The following SLC35D4 variants were observed in gnomAD, a reference collection of about 807,000 sequenced individuals.
SLC35D4 encodes the protein solute carrier family 35 member D4.
chr18:23,290,485 C>G, the SLC35D4 span, among the ~76,000 whole-genome samples: 1 of 152,166 alleles, frequency 6.6e-6, no homozygotes, highest in African/African-American at 2.4e-5. Context: ...ACAAATACCC[C>G]CAGACTATAT....
At chr18:23,336,321 G>T in the SLC35D4 span, among the ~76,000 whole-genome samples, 1 of 152,100 alleles carries the variant, frequency 6.6e-6, no homozygotes, top group South Asian at 2.1e-4. Flanking sequence ...TGTTCCTGTC[G>T]CCTCATCAGT....
the SLC35D4 span, among the ~76,000 whole-genome samples, chr18:23,410,305 A>G: frequency 1.2e-4 from 18 of 151,740 alleles, no homozygotes; most frequent in Non-Finnish European, 2.6e-4. Context: ...GTGAAACCCT[A>G]TCTCTACTAA....
At chr18:23,248,598 C>T in the SLC35D4 span, among the ~76,000 whole-genome samples, 3 of 137,728 alleles carry the variant, frequency 2.2e-5, no homozygotes, top group Admixed American at 7.9e-5. Flanking sequence ...GAGGCCGAGG[C>T]GGGTGGATCA....
the SLC35D4 span, among the ~76,000 whole-genome samples, chr18:23,361,121 A>AG: frequency 2.5e-3 from 362 of 145,136 alleles, 2 homozygotes; most frequent in African/African-American, 9.2e-3. Context: ...AAAAAAAAAA[A>AG]AAAAGAAAAA....
At chr18:23,318,566 G>C in the SLC35D4 span, among the ~76,000 whole-genome samples, 1 of 152,048 alleles carries the variant, frequency 6.6e-6, no homozygotes. Context: ...GATATATCAT[G>C]GTTTCCTTTT....
At chr18:23,342,086 C>T in the SLC35D4 span, among the ~76,000 whole-genome samples, 1 of 152,106 alleles carries the variant, frequency 6.6e-6, no homozygotes, top group African/African-American at 2.4e-5. Context: ...GATTTGCATG[C>T]CATAAAATTC....
chr18:23,309,866 C>T, the SLC35D4 span: 1 of 919,388 alleles, frequency 1.1e-6, no homozygotes, highest in African/African-American at 1.6e-5. Flanking sequence ...CACTTCGTTC[C>T]ACTTCCCGTG....
the SLC35D4 span, among the ~76,000 whole-genome samples, chr18:23,315,397 C>G: frequency 1.3e-5 from 2 of 152,324 alleles, no homozygotes; most frequent in Non-Finnish European, 1.5e-5. Flanking sequence ...GGATCAAGCA[C>G]TTCCTCTCAA....
the SLC35D4 span, among the ~76,000 whole-genome samples, chr18:23,317,948 G>A: frequency 6.6e-6 from 1 of 152,032 alleles, no homozygotes; most frequent in Non-Finnish European, 1.5e-5. Flanking sequence ...ATGTTGGCCA[G>A]GCTGATCTCG....
At chr18:23,321,679 T>A in the SLC35D4 span, among the ~76,000 whole-genome samples, 1 of 152,192 alleles carries the variant, frequency 6.6e-6, no homozygotes, top group Non-Finnish European at 1.5e-5. Context: ...GGCCTTGAAC[T>A]CCTGGGCTCA....
the SLC35D4 span, among the ~76,000 whole-genome samples, chr18:23,347,716 T>C: frequency 2.0e-5 from 3 of 152,232 alleles, no homozygotes; most frequent in African/African-American, 7.2e-5. Context: ...TGAGCCACCA[T>C]GCCTGGCCTC....
the SLC35D4 span, among the ~76,000 whole-genome samples, chr18:23,332,405 C>T: frequency 2.7e-5 from 4 of 150,776 alleles, no homozygotes; most frequent in African/African-American, 4.9e-5. Flanking sequence ...AGGGGGAATA[C>T]GTAGATGTTG....
the SLC35D4 span, among the ~76,000 whole-genome samples, chr18:23,244,852 G>A: frequency 6.6e-6 from 1 of 152,314 alleles, no homozygotes; most frequent in South Asian, 2.1e-4. Flanking sequence ...AGAGAACAGT[G>A]GCCGAGTGTA....
the SLC35D4 span, among the ~76,000 whole-genome samples, chr18:23,264,353 C>CTTTTTT: frequency 1.8e-5 from 1 of 56,064 alleles, no homozygotes. Context: ...CACTTTATTC[C>CTTTTTT]TTTTTTTTTT....
the SLC35D4 span, among the ~76,000 whole-genome samples, chr18:23,332,562 C>T: frequency 6.6e-6 from 1 of 152,090 alleles, no homozygotes; most frequent in African/African-American, 2.4e-5. Flanking sequence ...ACCACATTTT[C>T]TCAATTCCCC....
chr18:23,259,171 T>TGTCA, the SLC35D4 span: 1 of 152,302 alleles, frequency 6.6e-6, no homozygotes, highest in African/African-American at 2.4e-5. Context: ...ACATGGGGTC[T>TGTCA]GTCACCTTGC....
At chr18:23,318,604 C>T in the SLC35D4 span, among the ~76,000 whole-genome samples, 1 of 152,272 alleles carries the variant, frequency 6.6e-6, no homozygotes, top group Non-Finnish European at 1.5e-5. Context: ...ATTCTATCTT[C>T]AAACATTATA....
chr18:23,425,891 C>T, the SLC35D4 span, among the ~76,000 whole-genome samples: 1 of 152,178 alleles, frequency 6.6e-6, no homozygotes, highest in African/African-American at 2.4e-5. Flanking sequence ...AATTTCCTTA[C>T]ATTGCACCAT....
the SLC35D4 span, among the ~76,000 whole-genome samples, chr18:23,392,549 A>G: frequency 6.6e-6 from 1 of 152,182 alleles, no homozygotes; most frequent in Non-Finnish European, 1.5e-5. Flanking sequence ...GATCACATAA[A>G]GTAGCTGCCT....
Sources: gnomAD v4.1 joint callset for allele counts (sites outside exome capture counted in the v4.1 genomes callset) on GRCh38, gnomAD v4.1.1 for gene constraint, MANE v1.5 for transcripts, NCBI Gene and HGNC (gene_info 2026-07-23, HGNC 2026-07-21) for gene names.